The following ANKRD30A variants were observed in gnomAD, a reference collection of about 807,000 sequenced individuals.
The protein encoded by ANKRD30A is ankyrin repeat domain-containing protein 30A.
In ANKRD30A, 170 loss-of-function variants were observed where a neutral mutation model predicts 166.3. The ratio of observed to expected loss-of-function variants is 1.02; its 90% CI spans 0.90 to 1.16. The LOEUF (loss-of-function observed/expected upper bound fraction) is 1.16. Ranked by LOEUF, ANKRD30A falls within the 50% of genes most tolerant of loss-of-function variation. ANKRD30A has a pLI of 0.00. For synonymous variants in ANKRD30A, 564 were observed against 508.9 expected (o/e 1.11, Z -1.46); for missense variants, 1,630 against 1,518.0 (o/e 1.07, Z -1.23).
chr10:37,178,808 C>A (rs2132634219), intron 24 of ANKRD30A, among the ~76,000 whole-genome samples: 1 of 150,838 alleles, frequency 6.6e-6, no homozygotes, highest in Non-Finnish European at 1.5e-5. Flanking sequence ...AGGCAGGAAG[C>A]AGGGGACAAG....
At position 37,195,611 on chromosome 10, in the gene ANKRD30A, G is replaced by A. The variant is rs796687362; in HGVS notation, c.2615-1670G>A. 1.1e-4 allele frequency among the ~76,000 whole-genome samples: 16 copies of A among 152,222 alleles called. 1 individual carries two copies. Among genetic ancestry groups the A allele is most frequent in the African/African-American group, 3.6e-4 (15 of 41,502 alleles). The stretch of plus-strand genomic sequence containing the variant: ...GTTACACATATTTATTTAAAAAATG[G>A]TGACCGGGTGCGGTGGCTCACGCCT... On this transcript the variant is annotated intron_variant, in intron 27 of 35. Coordinates refer to ENST00000361713, the MANE Select transcript of ANKRD30A (RefSeq NM_052997.3).
chr10:37,262,318 C>T, the ANKRD30A span, among the ~76,000 whole-genome samples: 1 of 152,192 alleles, frequency 6.6e-6, no homozygotes, highest in African/African-American at 2.4e-5. Flanking sequence ...CCTGTATGTT[C>T]CCTAAAAACA....
chr10:37,198,572 C>A (rs11011067), intron 29 of ANKRD30A, among the ~76,000 whole-genome samples: 57 of 152,010 alleles, frequency 3.7e-4, no homozygotes, highest in Non-Finnish European at 7.5e-4. Flanking sequence ...AGAATTTGAA[C>A]TGTGCCCCAG....
At chr10:37,225,690 C>T (rs772629781) in intron 34 of ANKRD30A, among the ~76,000 whole-genome samples, 3 of 151,686 alleles carry the variant, frequency 2.0e-5, no homozygotes, top group Non-Finnish European at 4.4e-5. Context: ...TTCTATAAGG[C>T]GGGCATACTG....
chr10:37,131,230 A>G (rs1836362260), intron 3 of ANKRD30A, among the ~76,000 whole-genome samples: 2 of 152,114 alleles, frequency 1.3e-5, no homozygotes, highest in Admixed American at 6.6e-5. Flanking sequence ...ATGCTAATGC[A>G]TATAGATGAG....
rs778578568 is a variant in ANKRD30A, at chr10:37,142,291, G to C, written c.1393+1G>C. ...TCATCTACAAAAGCAAGTGCCAATG[G>C]TAAGATGCTAGAGCGAACTTTGTAA... On this transcript the variant is annotated splice_donor_variant, in intron 7 of 35. Transcript: ENST00000361713. LOFTEE classifies it high-confidence loss of function. The C allele has an allele frequency of 1.9e-6, 3 of 1,586,868 alleles. No homozygotes were observed. In the South Asian group the frequency reaches 3.5e-5, roughly 19 times the overall value.
rs184702413 is a variant in ANKRD30A, at chr10:37,193,064, A to T, written c.2513A>T (p.Glu838Val). The stretch of plus-strand genomic sequence containing the variant: ...ATTATATATGTCCCTTTTCTTTTAG[A>T]GTCTCCTGATAATGATGGTTTTCTG... ...EIDKINGKLE[E>V]SPDNDGFLKA... Residue 838 changes from glutamate (E) to valine (V), a missense_variant and splice_region_variant, in exon 26 of 36, where the codon GAG (glutamate) becomes GTG (valine). Physicochemically the swap from Glu to Val is moderately radical, Grantham distance 121. This residue lies in a region of ANKRD30A where 712 missense variants were observed against 629.3 expected (regional missense o/e 1.13). Transcript: ENST00000361713. 6.2e-7 allele frequency: 1 copy of T among 1,609,634 alleles called. No homozygotes were observed. Among genetic ancestry groups the T allele is most frequent in the South Asian group, 1.1e-5 (1 of 90,932 alleles).
chr10:37,194,041 C>CA (rs2132666707), intron 27 of ANKRD30A, among the ~76,000 whole-genome samples: 1 of 152,098 alleles, frequency 6.6e-6, no homozygotes, highest in East Asian at 1.9e-4. Flanking sequence ...CTAAACATAA[C>CA]AAAAAGTAGC....
intron 12 of ANKRD30A, among the ~76,000 whole-genome samples, 195 bp downstream of exon 12, chr10:37,152,316 G>A (rs1222461284): frequency 1.3e-5 from 2 of 152,036 alleles, no homozygotes; most frequent in Non-Finnish European, 2.9e-5. Flanking sequence ...CTGGGAATTT[G>A]TACGATTAAT....
chr10:37,158,339 T>C lies in ANKRD30A; in HGVS notation c.1799-53T>C. On this transcript the variant is annotated intron_variant, in intron 13 of 35. Transcript: ENST00000361713. Reference sequence around the variant, plus strand: ...ATGTTCACACTGTGTGAATGTTCGGTAGGCTTTGTCAGGCTTGCATATAAT... The same window carrying C: ...ATGTTCACACTGTGTGAATGTTCGGCAGGCTTTGTCAGGCTTGCATATAAT... The C allele has an allele frequency of 2.5e-6, 4 of 1,574,002 alleles. No homozygotes were observed. The East Asian group carries it at 9.0e-5, about 35-fold the overall frequency.
Position 37,219,166 on chromosome 10 carries a change from C to T in ANKRD30A, c.3454C>T (p.Leu1152=), listed in dbSNP as rs769538411. ...KNAELQMTLK[L]KEESLTKRAS... The stretch of plus-strand genomic sequence containing the variant: ...TGCTGAACTTCAGATGACCCTAAAA[C>T]TGAAAGAGGAATCATTAACTAAAAG... Residue 1152 remains leucine (L), a synonymous_variant, in exon 34 of 36, where the codon CTG becomes TTG. Coordinates refer to ENST00000361713, the MANE Select transcript of ANKRD30A (RefSeq NM_052997.3). The T allele has an allele frequency of 1.9e-5, 30 of 1,610,214 alleles. No homozygotes were observed. The South Asian group carries it at 3.3e-4, about 18-fold the overall frequency.
the ANKRD30A span, among the ~76,000 whole-genome samples, chr10:37,256,990 T>TA: frequency 3.7e-4 from 57 of 152,152 alleles, no homozygotes; most frequent in Non-Finnish European, 6.8e-4. Flanking sequence ...TTTATACCTC[T>TA]GGTAGAGATC....
intron 12 of ANKRD30A, among the ~76,000 whole-genome samples, chr10:37,152,460 G>A (rs924285881): frequency 4.6e-5 from 7 of 152,076 alleles, no homozygotes; most frequent in Non-Finnish European, 1.0e-4. Context: ...ATATGATTCT[G>A]TCTTACATCT....
intron 11 of ANKRD30A, among the ~76,000 whole-genome samples, chr10:37,151,757 A>G (rs1224944514): frequency 6.6e-6 from 1 of 152,122 alleles, no homozygotes; most frequent in Non-Finnish European, 1.5e-5. Flanking sequence ...TGAACAGCAA[A>G]TATAGGACAT....
Position 37,209,967 on chromosome 10 carries a change from G to T in ANKRD30A, c.2870-6214G>T, listed in dbSNP as rs1034688349. 9.9e-5 allele frequency among the ~76,000 whole-genome samples: 15 copies of T among 151,464 alleles called. 1 individual carries two copies. Among genetic ancestry groups the T allele is most frequent in the Admixed American group, 4.6e-4 (7 of 15,188 alleles). On this transcript the variant is annotated intron_variant, in intron 31 of 35. Transcript: ENST00000361713. ...TATACTGTCATTCCTAGTTAAAAAG[G>T]TTTTCTTATATTATAATTTAAGTTC...
chr10:37,190,244 G>T (rs1489847382), intron 25 of ANKRD30A, among the ~76,000 whole-genome samples: 3 of 151,856 alleles, frequency 2.0e-5, no homozygotes, highest in African/African-American at 7.3e-5. Context: ...GCCGACTTGG[G>T]ATTCTGCATT....
At chr10:37,253,991 A>G in the ANKRD30A span, among the ~76,000 whole-genome samples, 2 of 152,300 alleles carry the variant, frequency 1.3e-5, no homozygotes, top group South Asian at 4.1e-4. Context: ...TGTAGCGTGT[A>G]TCAGCACTTC....
chr10:37,196,139 CAG>C (rs370383504), intron 27 of ANKRD30A, among the ~76,000 whole-genome samples: 1,980 of 121,786 alleles, frequency 0.016, 49 homozygotes, highest in African/African-American at 0.054. Context: ...AGGCAGGTAA[CAG>C]GGGACAAACA....
intron 29 of ANKRD30A, 110 bp from the exon 30 acceptor site, chr10:37,199,617 C>A: frequency 1.6e-6 from 1 of 609,622 alleles, no homozygotes; most frequent in Non-Finnish European, 2.9e-6. Context: ...AATATACGGG[C>A]TACAGAGGAG....
Sources: allele counts gnomAD v4.1 joint callset (sites outside exome capture counted in the v4.1 genomes callset), GRCh38; gene constraint gnomAD v4.1.1; regional missense constraint gnomAD v4.1.1; transcripts MANE v1.5; gene names NCBI Gene and HGNC (gene_info 2026-07-23, HGNC 2026-07-21).